THSD4: variants seen among roughly 807,000 people sequenced by gnomAD.
The protein encoded by THSD4 is thrombospondin type-1 domain-containing protein 4.
Under a neutral mutation model 119.0 loss-of-function variants are expected in THSD4, and 69 were observed. That is an observed-to-expected ratio of 0.58 (90% CI 0.48 to 0.71). THSD4 has a LOEUF of 0.71. Ranked by LOEUF, THSD4 falls within the 30% of genes least tolerant of loss-of-function variation. The pLI is 0.00. For missense variants in THSD4, 1,393 were observed against 1,391.1 expected, an observed-to-expected ratio of 1.00 and a Z score of -0.02; for synonymous variants, 524 against 540.4, an observed-to-expected ratio of 0.97 and a Z score of 0.42.
intron 1 of THSD4, among the ~76,000 whole-genome samples, chr15:71,128,836 T>C (rs1358878700): frequency 6.6e-6 from 1 of 152,222 alleles, no homozygotes; most frequent in Non-Finnish European, 1.5e-5. Flanking sequence ...AGTGTTGTAT[T>C]GGTGAGGGAA....
chr15:71,289,575 G>A (rs1567182933), intron 6 of THSD4, among the ~76,000 whole-genome samples: 1 of 152,176 alleles, frequency 6.6e-6, no homozygotes, highest in Admixed American at 6.5e-5. Flanking sequence ...CAAAGGAACT[G>A]ATTGGGCAAC....
rs996681390 is a variant in THSD4 at position 71,495,132 on chromosome 15, C to T, written c.1152+83309C>T. 5.3e-5 allele frequency among the ~76,000 whole-genome samples: 8 copies of T among 152,278 alleles called. No individual in the cohort carries two copies. The South Asian group carries it at 6.2e-4, about 12-fold the overall frequency. ...CCAGTGACCTAAGTCACAGTTTCCTCGAAAGGTAGAAATTGCTAACAATTC... is the reference window on the plus strand; with the variant it reads ...CCAGTGACCTAAGTCACAGTTTCCTTGAAAGGTAGAAATTGCTAACAATTC... On this transcript the variant is annotated intron_variant, in intron 7 of 17. Coordinates refer to ENST00000261862, the MANE Select transcript of THSD4 (RefSeq NM_024817.3).
intron 15 of THSD4, among the ~76,000 whole-genome samples, chr15:71,760,153 T>C (rs939699074): frequency 6.6e-6 from 1 of 152,228 alleles, no homozygotes; most frequent in African/African-American, 2.4e-5. Context: ...GTCACAGTGA[T>C]TAGTCCAGGA....
intron 7 of THSD4, among the ~76,000 whole-genome samples, chr15:71,657,584 A>G (rs1450126139): frequency 6.6e-6 from 1 of 152,216 alleles, no homozygotes; most frequent in Admixed American, 6.5e-5. Flanking sequence ...TCAGTCTCTT[A>G]GAGGCCTGGG....
intron 2 of THSD4, among the ~76,000 whole-genome samples, chr15:71,148,990 T>A (rs1361238845): frequency 1.3e-5 from 2 of 152,148 alleles, no homozygotes; most frequent in African/African-American, 4.8e-5. Flanking sequence ...CATCAGCTCT[T>A]TGTTGGCTAA....
chr15:71,613,605 A>T (rs1187366075), intron 7 of THSD4, among the ~76,000 whole-genome samples: 1 of 152,168 alleles, frequency 6.6e-6, no homozygotes, highest in Non-Finnish European at 1.5e-5. Flanking sequence ...ACATCCACCC[A>T]AGCAAAACTA....
chr15:71,477,334 G>A (rs986561099), intron 7 of THSD4, among the ~76,000 whole-genome samples: 2 of 152,190 alleles, frequency 1.3e-5, no homozygotes, highest in African/African-American at 4.8e-5. Flanking sequence ...GTGCAAAACC[G>A]TGTTTAGAAT....
intron 7 of THSD4, among the ~76,000 whole-genome samples, chr15:71,517,631 C>T (rs2048379651): frequency 6.6e-6 from 1 of 152,230 alleles, no homozygotes; most frequent in South Asian, 2.1e-4. Flanking sequence ...GGCATCTCAG[C>T]TCTGTGTTAA....
At chr15:71,430,651 G>GATTA (rs1400123479) in intron 7 of THSD4, among the ~76,000 whole-genome samples, 1 of 151,602 alleles carries the variant, frequency 6.6e-6, no homozygotes, top group Non-Finnish European at 1.5e-5. Flanking sequence ...CAGCTACTCG[G>GATTA]GAGGCTGAGG....
chr15:71,744,147 CTTTTTTTTT>C (rs56158827), intron 11 of THSD4, among the ~76,000 whole-genome samples: 1 of 102,742 alleles, frequency 9.7e-6, no homozygotes, highest in African/African-American at 3.4e-5. Flanking sequence ...ATTGAATCAG[CTTTTTTTTT>C]TTTTTTTTTT....
intron 6 of THSD4, among the ~76,000 whole-genome samples, chr15:71,268,545 A>G (rs2044490278): frequency 6.6e-6 from 1 of 152,182 alleles, no homozygotes; most frequent in African/African-American, 2.4e-5. Flanking sequence ...CAATTAAAAG[A>G]GCTAGAGAAG....
At chr15:71,110,027 A>C (rs1197558722) in intron 1 of THSD4, among the ~76,000 whole-genome samples, 2 of 152,250 alleles carry the variant, frequency 1.3e-5, no homozygotes, top group African/African-American at 4.8e-5. Context: ...GAAAATTGCC[A>C]ACAAGGCCAA....
At chr15:71,641,466 G>C (rs746036713) in intron 7 of THSD4, among the ~76,000 whole-genome samples, 9 of 152,022 alleles carry the variant, frequency 5.9e-5, no homozygotes, top group Admixed American at 3.3e-4. Flanking sequence ...CTGTAGTCCA[G>C]GTACTGTGAG....
chr15:71,547,171 C>T, intron 7 of THSD4: 1 of 1,311,744 alleles, frequency 7.6e-7, no homozygotes, highest in East Asian at 3.2e-5. Flanking sequence ...TCCCAGCTGG[C>T]TCCTGTCCCC....
At chr15:71,609,044 G>T (rs2050170768) in intron 7 of THSD4, among the ~76,000 whole-genome samples, 1 of 152,128 alleles carries the variant, frequency 6.6e-6, no homozygotes, top group Admixed American at 6.5e-5. Flanking sequence ...CCCTTGGCTT[G>T]CTCTTCTTAG....
chr15:71,392,898 C>T (rs899291302), intron 6 of THSD4, among the ~76,000 whole-genome samples: 6 of 152,330 alleles, frequency 3.9e-5, no homozygotes, highest in African/African-American at 1.4e-4. Flanking sequence ...GGTTCTGGCA[C>T]GATGAGCTCA....
intron 4 of THSD4, among the ~76,000 whole-genome samples, chr15:71,222,131 A>G (rs1297337187): frequency 6.6e-6 from 1 of 152,164 alleles, no homozygotes; most frequent in African/African-American, 2.4e-5. Context: ...TCCCATTCCC[A>G]AAATGTCTGG....
chr15:71,254,516 TG>T (rs1424939896), intron 5 of THSD4, among the ~76,000 whole-genome samples: 1 of 152,204 alleles, frequency 6.6e-6, no homozygotes, highest in Non-Finnish European at 1.5e-5. Flanking sequence ...CATATATTCC[TG>T]GGCTCTCATC....
At chr15:71,281,552 C>T (rs1267802968) in intron 6 of THSD4, among the ~76,000 whole-genome samples, 1 of 152,222 alleles carries the variant, frequency 6.6e-6, no homozygotes, top group Non-Finnish European at 1.5e-5. Context: ...TATTGAATGA[C>T]TATTCAGGTT....
Sources: allele counts gnomAD v4.1 joint callset (sites outside exome capture counted in the v4.1 genomes callset), GRCh38; gene constraint gnomAD v4.1.1; transcripts MANE v1.5; gene names NCBI Gene and HGNC (gene_info 2026-07-23, HGNC 2026-07-21).